The following HSD11B1 variants were observed in gnomAD, a reference collection of about 807,000 sequenced individuals.
The protein encoded by HSD11B1 is 11-beta-hydroxysteroid dehydrogenase 1.
HSD11B1 carries 15 observed loss-of-function variants against 22.1 expected under a neutral mutation model. The observed-to-expected ratio is 0.68, with a 90% CI of 0.45 to 1.04. HSD11B1 has a LOEUF of 1.04. HSD11B1 is among the 50% of genes least tolerant of loss of function. HSD11B1 has a pLI of 0.00. For synonymous variants in HSD11B1, 122 were observed against 125.2 expected (o/e 0.97, Z 0.17); for missense variants, 281 against 357.6 (o/e 0.79, Z 1.73).
intron 1 of HSD11B1, among the ~76,000 whole-genome samples, chr1:209,690,517 T>C (rs1215380857): frequency 6.6e-6 from 1 of 151,952 alleles, no homozygotes; most frequent in African/African-American, 2.4e-5. Context: ...GCCAACATAG[T>C]GAAACCCCAT....
Position 209,706,088 on chromosome 1 carries a change from A to T in HSD11B1, c.219+147A>T. 1 of 982,834 alleles carries T rather than the reference A, an allele frequency of 1.0e-6. No homozygotes were observed. The highest frequency in any genetic ancestry group is 1.4e-5 in the South Asian group (1 of 69,846). The allele number at this position is 982,834 out of a possible 1,614,324, so 60.9% of individuals were successfully genotyped here. On this transcript the variant is annotated intron_variant, in intron 2 of 5. Transcript: ENST00000367027. The surrounding 1 kb of genome is among the most constrained non-coding windows in gnomAD (Gnocchi z 4.0). Reference sequence around the variant, plus strand: ...CACAGACACTTAATTTTGCACTCTCATATATAGATTCAAACACCAAAAAAC... The same window carrying T: ...CACAGACACTTAATTTTGCACTCTCTTATATAGATTCAAACACCAAAAAAC...
At chr1:209,722,647 C>T (rs187598162) in intron 4 of HSD11B1, among the ~76,000 whole-genome samples, 256 of 152,230 alleles carry the variant, frequency 1.7e-3, no homozygotes, top group African/African-American at 5.9e-3. Context: ...CCATGAGGGT[C>T]TCAACTGAGG....
intron 4 of HSD11B1, among the ~76,000 whole-genome samples, chr1:209,731,726 T>G (rs554226325): frequency 5.3e-5 from 8 of 152,254 alleles, no homozygotes; most frequent in African/African-American, 1.9e-4. Flanking sequence ...CTGTTTTTTG[T>G]TTTTTTGAGA....
chr1:209,686,832 T>C (rs76052242), intron 1 of HSD11B1, among the ~76,000 whole-genome samples: 1,744 of 152,314 alleles, frequency 0.011, 38 homozygotes, highest in East Asian at 0.11. Flanking sequence ...GCTCATTTTA[T>C]TTCCAGAAGT....
chr1:209,697,884 C>CTTTTTTTTTTTTCTTTTTTTT (rs2076800748), intron 1 of HSD11B1, among the ~76,000 whole-genome samples: 2 of 41,586 alleles, frequency 4.8e-5, no homozygotes, highest in Non-Finnish European at 8.9e-5. Context: ...TTGTTTTTTC[C>CTTTTTTTTTTTTCTTTTTTTT]TTTTTTTTTT....
intron 4 of HSD11B1, among the ~76,000 whole-genome samples, chr1:209,709,571 AG>A (rs879331292): frequency 1.3e-5 from 2 of 152,228 alleles, no homozygotes; most frequent in Non-Finnish European, 2.9e-5. Flanking sequence ...AAGGCAGTCC[AG>A]GGCTGATATG....
upstream of HSD11B1, among the ~76,000 whole-genome samples, chr1:209,700,100 T>C (rs2102363355): frequency 6.6e-6 from 1 of 152,334 alleles, no homozygotes; most frequent in Non-Finnish European, 1.5e-5. Context: ...TCTACCATTC[T>C]GGGGTCTGGA....
chr1:209,696,582 C>T (rs2076792744), intron 1 of HSD11B1, among the ~76,000 whole-genome samples: 1 of 151,972 alleles, frequency 6.6e-6, no homozygotes. Flanking sequence ...GGAATACAGA[C>T]AAAAAATGAG....
At chr1:209,731,074 A>C (rs2077032705) in intron 4 of HSD11B1, among the ~76,000 whole-genome samples, 1 of 152,232 alleles carries the variant, frequency 6.6e-6, no homozygotes, top group Non-Finnish European at 1.5e-5. Flanking sequence ...TAGAAGGAAG[A>C]GGTTGGGGTT....
At position 209,698,839 on chromosome 1, in the gene HSD11B1, G is replaced by A. The variant is rs553231832; in HGVS notation, c.-48-6056G>A. ...CAGACCATGCTCGTGACCTCGTGAGGGTCTCTTCTTTCCTAGAAGGCCCTT... is the reference window on the plus strand; with the variant it reads ...CAGACCATGCTCGTGACCTCGTGAGAGTCTCTTCTTTCCTAGAAGGCCCTT... On this transcript the variant is annotated intron_variant, in intron 1 of 6. Transcript: ENST00000261465. 3.0e-3 allele frequency among the ~76,000 whole-genome samples: 449 copies of A among 152,148 alleles called. 4 individuals are homozygous for A. Among genetic ancestry groups the A allele is most frequent in the Non-Finnish European group, 2.9e-3 (196 of 67,996 alleles).
chr1:209,705,164 A>G (rs2076849108), intron 1 of HSD11B1, 134 bp downstream of exon 1: 6 of 759,682 alleles, frequency 7.9e-6, no homozygotes, highest in Admixed American at 1.9e-5. Flanking sequence ...TTAAGATGGT[A>G]TTTTTGTGTC....
upstream of HSD11B1, among the ~76,000 whole-genome samples, chr1:209,703,377 T>C (rs1262260852): frequency 2.6e-5 from 4 of 152,234 alleles, no homozygotes; most frequent in Non-Finnish European, 4.4e-5. Flanking sequence ...TAATATATCC[T>C]GGTATCATAA....
At chr1:209,695,120 T>A (rs1408690004) in intron 1 of HSD11B1, among the ~76,000 whole-genome samples, 1 of 152,226 alleles carries the variant, frequency 6.6e-6, no homozygotes, top group Admixed American at 6.5e-5. Context: ...TCTGTCTCTC[T>A]CCTGCCACCA....
At chr1:209,697,056 C>T (rs1373753679) in intron 1 of HSD11B1, among the ~76,000 whole-genome samples, 2 of 152,230 alleles carry the variant, frequency 1.3e-5, no homozygotes, top group Admixed American at 1.3e-4. Flanking sequence ...GCAAAGCCTT[C>T]ATGACTTGAG....
At chr1:209,728,333 T>C (rs1212461917) in intron 4 of HSD11B1, among the ~76,000 whole-genome samples, 2 of 152,200 alleles carry the variant, frequency 1.3e-5, no homozygotes, top group Non-Finnish European at 2.9e-5. Flanking sequence ...GCTCATACTT[T>C]TCTCACCAAT....
rs184899454 is a variant in HSD11B1, at chr1:209,706,282, T to C, written c.219+341T>C. On this transcript the variant is annotated intron_variant, in intron 2 of 5. Transcript: ENST00000367027. The surrounding 1 kb of genome is among the most constrained non-coding windows in gnomAD (Gnocchi z 4.0). Reference sequence around the variant, plus strand: ...ATGTTTTCAAAAACTGAAATCCCAGTACCTGCTTATGAATACATATCCTCA... The same window carrying C: ...ATGTTTTCAAAAACTGAAATCCCAGCACCTGCTTATGAATACATATCCTCA... 1.7e-4 allele frequency among the ~76,000 whole-genome samples: 26 copies of C among 152,278 alleles called. No homozygotes were observed. Among genetic ancestry groups the C allele is most frequent in the Admixed American group, 1.1e-3 (17 of 15,294 alleles).
intron 5 of HSD11B1, among the ~76,000 whole-genome samples, chr1:209,733,750 G>A (rs756147653): frequency 2.0e-4 from 30 of 152,128 alleles, no homozygotes; most frequent in Admixed American, 7.2e-4. Context: ...GAGAGAGACC[G>A]AGACCCAGGG....
rs1263467432 is a variant in HSD11B1, at chr1:209,734,661, G to A, written c.*140G>A. 4 of 713,446 alleles carry A rather than the reference G, an allele frequency of 5.6e-6. No homozygotes were observed. The highest frequency in any genetic ancestry group is 2.1e-5 in the Admixed American group (1 of 47,722). The allele number at this position is 713,446 out of a possible 1,614,324, so 44.2% of individuals were successfully genotyped here. On this transcript the variant is annotated 3_prime_UTR_variant, in exon 6 of 6. Coordinates refer to ENST00000367027, the MANE Select transcript of HSD11B1 (RefSeq NM_005525.4). ...CATGGGTCACACCTGACAAATGGAA[G>A]GAGTTCCTCTAACATTTGCAAAATG...
At chr1:209,690,282 G>A (rs1021054107) in intron 1 of HSD11B1, among the ~76,000 whole-genome samples, 8 of 152,034 alleles carry the variant, frequency 5.3e-5, no homozygotes, top group South Asian at 4.2e-4. Context: ...CTCCAGCCTG[G>A]GCAACAGAGT....
Sources: allele counts gnomAD v4.1 joint callset (sites outside exome capture counted in the v4.1 genomes callset), GRCh38; gene constraint gnomAD v4.1.1; non-coding constraint Gnocchi (gnomAD v3.1); transcripts MANE v1.5; gene names NCBI Gene and HGNC (gene_info 2026-07-23, HGNC 2026-07-21).